The following PACRG variants were observed in gnomAD, a reference collection of about 807,000 sequenced individuals.
PACRG encodes parkin coregulated gene protein.
PACRG carries 29 observed loss-of-function variants against 29.7 expected under a neutral mutation model. The observed-to-expected ratio is 0.98, with a 90% CI of 0.73 to 1.33. The LOEUF (loss-of-function observed/expected upper bound fraction) is 1.33, where lower values mean the gene tolerates loss of function less well. Among genes scored for constraint, PACRG ranks in the 40% most tolerant of loss-of-function variants. PACRG has a pLI of 0.00. For missense variants in PACRG, 279 were observed against 316.2 expected (o/e 0.88, Z 0.89); for synonymous variants, 116 against 118.7 (o/e 0.98, Z 0.15).
intron 2 of PACRG, among the ~76,000 whole-genome samples, chr6:162,878,721 A>G (rs1208367161): frequency 6.6e-6 from 1 of 152,240 alleles, no homozygotes; most frequent in Non-Finnish European, 1.5e-5. Flanking sequence ...GAGCTGACAC[A>G]TAAGGGACAA....
At chr6:163,285,345 A>C (rs1468066327) in intron 4 of PACRG, among the ~76,000 whole-genome samples, 2 of 149,964 alleles carry the variant, frequency 1.3e-5, no homozygotes, top group South Asian at 4.3e-4. Context: ...ACACATCCCC[A>C]CTCGGGCAGC....
chr6:162,842,972 A>T (rs1789944134), intron 2 of PACRG, among the ~76,000 whole-genome samples: 1 of 118,858 alleles, frequency 8.4e-6, no homozygotes, highest in Non-Finnish European at 1.7e-5. Context: ...ATCCGCTGTT[A>T]GTCTGATGGG....
At chr6:163,302,576 A>G (rs916676437) in intron 4 of PACRG, among the ~76,000 whole-genome samples, 2 of 152,220 alleles carry the variant, frequency 1.3e-5, no homozygotes, top group South Asian at 2.1e-4. Flanking sequence ...CATTAAATGT[A>G]TTATGTTTGC....
At chr6:162,967,251 A>G (rs888927820) in intron 2 of PACRG, among the ~76,000 whole-genome samples, 2 of 15,514 alleles carry the variant, frequency 1.3e-4, no homozygotes, top group African/African-American at 6.9e-4. Context: ...ACTAAAACTG[A>G]AAAAAAAAAC....
intron 2 of PACRG, among the ~76,000 whole-genome samples, chr6:163,004,733 T>C (rs778752184): frequency 0.018 from 2,535 of 139,364 alleles, 85 homozygotes; most frequent in African/African-American, 0.068. Flanking sequence ...TGTGTATATA[T>C]ATATACACAC....
intron 4 of PACRG, among the ~76,000 whole-genome samples, chr6:163,188,647 G>A (rs11755014): frequency 0.37 from 55,695 of 152,058 alleles, 10,736 homozygotes; most frequent in African/African-American, 0.49. Context: ...TGGCCTGACC[G>A]TTTTATTTTA....
chr6:163,098,520 A>T (rs1814805801), intron 4 of PACRG, among the ~76,000 whole-genome samples: 1 of 152,104 alleles, frequency 6.6e-6, no homozygotes, highest in Admixed American at 6.5e-5. Flanking sequence ...CAGGCGGGAG[A>T]GCCCAGATGC....
chr6:162,742,296 T>C (rs1780659902), intron 1 of PACRG, among the ~76,000 whole-genome samples: 1 of 152,196 alleles, frequency 6.6e-6, no homozygotes, highest in African/African-American at 2.4e-5. Flanking sequence ...CAATATCTGA[T>C]GGTTTTATAA....
chr6:163,100,351 C>T (rs1218714971), intron 4 of PACRG, among the ~76,000 whole-genome samples: 1 of 152,290 alleles, frequency 6.6e-6, no homozygotes, highest in East Asian at 1.9e-4. Context: ...GCGTGCTGCC[C>T]GGACTCCAGC....
Position 162,807,444 on chromosome 6 carries a change from C to T in PACRG, c.157-6703C>T, listed in dbSNP as rs186374715. On this transcript the variant is annotated intron_variant, in intron 1 of 4. Transcript: ENST00000366888. ...GAGATGTGTGACTCTTCCCTTCATT[C>T]GAACACTTAGGAGCCATGTAGAGTT... Among the ~76,000 whole-genome samples, 148 of 152,088 alleles carry T rather than the reference C, an allele frequency of 9.7e-4. 1 individual carries two copies. Among genetic ancestry groups the T allele is most frequent in the Non-Finnish European group, 1.7e-3 (117 of 68,002 alleles).
chr6:162,797,725 T>C, intron 1 of PACRG, among the ~76,000 whole-genome samples: 1 of 152,252 alleles, frequency 6.6e-6, no homozygotes, highest in East Asian at 1.9e-4. Flanking sequence ...TGCCAGACTT[T>C]ACGTCTCTTT....
At chr6:162,750,797 T>C (rs1455706955) in intron 1 of PACRG, among the ~76,000 whole-genome samples, 1 of 152,218 alleles carries the variant, frequency 6.6e-6, no homozygotes, top group Non-Finnish European at 1.5e-5. Flanking sequence ...AGGTATTATG[T>C]GCTCAGATGG....
At chr6:163,011,177 C>T (rs1805578847) in intron 2 of PACRG, among the ~76,000 whole-genome samples, 1 of 152,156 alleles carries the variant, frequency 6.6e-6, no homozygotes, top group Non-Finnish European at 1.5e-5. Context: ...GACCTTCCTC[C>T]TGCTGCAGTC....
At chr6:162,958,827 G>A (rs888144264) in intron 2 of PACRG, among the ~76,000 whole-genome samples, 4 of 133,142 alleles carry the variant, frequency 3.0e-5, no homozygotes, top group Non-Finnish European at 4.8e-5. Flanking sequence ...TATATAGAGT[G>A]TATATATAGA....
intron 1 of PACRG, among the ~76,000 whole-genome samples, chr6:162,742,855 A>G (rs1780704636): frequency 6.6e-6 from 1 of 152,128 alleles, no homozygotes; most frequent in Admixed American, 6.5e-5. Flanking sequence ...AAGATATTCA[A>G]AGAATATCTT....
chr6:163,199,163 C>A (rs1394666659), intron 4 of PACRG, among the ~76,000 whole-genome samples: 1 of 152,182 alleles, frequency 6.6e-6, no homozygotes, highest in Non-Finnish European at 1.5e-5. Context: ...TTTCCTTTCA[C>A]ATGATCATGT....
chr6:163,294,236 T>C lies in PACRG; in HGVS notation c.614-20591T>C, dbSNP rs189066177. ...CTCATATAAGAAAGTTAATATGCTA[T>C]AATATTGCTTTATGTATGTTTATAC... On this transcript the variant is annotated intron_variant, in intron 4 of 4. Coordinates refer to ENST00000366888, the MANE Select transcript of PACRG (RefSeq NM_001080379.2). Among the ~76,000 whole-genome samples, 968 of 152,322 alleles carry C rather than the reference T, an allele frequency of 6.4e-3. 11 individuals carry two copies. Among genetic ancestry groups the C allele is most frequent in the African/African-American group, 0.022 (919 of 41,584 alleles).
chr6:163,051,637 G>T (rs1041028393), intron 2 of PACRG: 2 of 152,068 alleles, frequency 1.3e-5, no homozygotes, highest in Non-Finnish European at 2.9e-5. Context: ...AGCCCTTCAA[G>T]TGTCCTGGTT....
intron 2 of PACRG, among the ~76,000 whole-genome samples, chr6:162,977,686 A>G (rs1802073457): frequency 6.6e-6 from 1 of 152,152 alleles, no homozygotes; most frequent in South Asian, 2.1e-4. Context: ...GTACAGCACA[A>G]TGGGGATACT....
Sources: gnomAD v4.1 joint callset for allele counts (sites outside exome capture counted in the v4.1 genomes callset) on GRCh38, gnomAD v4.1.1 for gene constraint, MANE v1.5 for transcripts, NCBI Gene and HGNC (gene_info 2026-07-23, HGNC 2026-07-21) for gene names.